ZBTB7A: variants seen among roughly 807,000 people sequenced by gnomAD.
The protein encoded by ZBTB7A is zinc finger and BTB domain containing 7A.
In ZBTB7A, 7 loss-of-function variants were observed where a neutral mutation model predicts 26.7. That is an observed-to-expected ratio of 0.26 (90% confidence interval 0.15 to 0.49). The LOEUF (loss-of-function observed/expected upper bound fraction) is 0.49. ZBTB7A is among the 20% of genes least tolerant of loss of function. ZBTB7A has a pLI of 0.98. For missense variants in ZBTB7A, 617 were observed against 919.5 expected (o/e 0.67, Z 4.25); for synonymous variants, 452 against 441.0 (o/e 1.02, Z -0.31).
chr19:4,049,168 GTATATATA>G lies in ZBTB7A; in HGVS notation c.1263-932_1263-925del, dbSNP rs1181215162. On this transcript the variant is annotated intron_variant, in intron 2 of 2. Transcript: ENST00000322357. ...ACTATATGTGTGTGTGTGTGTGTGT[GTATATATA>G]TATATATATATATATATATATATAT... Among the ~76,000 whole-genome samples the G allele has an allele frequency of 1.1e-3, 16 of 14,940 alleles. 1 individual carries two copies. The highest frequency in any genetic ancestry group is 7.5e-3 in the East Asian group (3 of 400). 9.8% of individuals were successfully genotyped at this position (14,940 alleles called of 152,430 possible).
At chr19:4,059,343 T>TCC (rs1023498911) in intron 1 of ZBTB7A, among the ~76,000 whole-genome samples, 2 of 151,814 alleles carry the variant, frequency 1.3e-5, no homozygotes, top group Non-Finnish European at 2.9e-5. Context: ...CTCCTGCAGG[T>TCC]CCCCGCCAGT....
chr19:4,053,656 ATGTC>A (rs1240852129), intron 2 of ZBTB7A, among the ~76,000 whole-genome samples: 2 of 142,714 alleles, frequency 1.4e-5, no homozygotes, highest in South Asian at 2.2e-4. Context: ...TCTGTGTAGC[ATGTC>A]TGTATGTGTA....
At chr19:4,056,026 C>T (rs940781790) in intron 1 of ZBTB7A, among the ~76,000 whole-genome samples, 6 of 152,122 alleles carry the variant, frequency 3.9e-5, no homozygotes, top group African/African-American at 1.4e-4. Context: ...TATCCTCTAG[C>T]CTCAGTTTCC....
intron 1 of ZBTB7A, among the ~76,000 whole-genome samples, chr19:4,063,849 G>C (rs1488980016): frequency 1.3e-5 from 2 of 152,292 alleles, no homozygotes; most frequent in African/African-American, 2.4e-5. Flanking sequence ...GCCTAGTACC[G>C]GCACCTGCTC....
At chr19:4,057,357 A>C (rs2040591444) in intron 1 of ZBTB7A, among the ~76,000 whole-genome samples, 1 of 152,152 alleles carries the variant, frequency 6.6e-6, no homozygotes, top group Non-Finnish European at 1.5e-5. Context: ...AAAATAAATA[A>C]ATAAGGAAAG....
Position 4,054,609 on chromosome 19 carries a change from G to A in ZBTB7A, c.624C>T (p.Ala208=), listed in dbSNP as rs2040551865. 6.3e-7 allele frequency: 1 copy of A among 1,584,172 alleles called. No homozygotes were observed. Among genetic ancestry groups the A allele is most frequent in the Non-Finnish European group, 8.5e-7 (1 of 1,169,820 alleles). ...TKEAVAAAVA[A]VAAGDCNGLD... is the part of the protein sequence containing the mutation. ...AGCCGTTGCAGTCGCCCGCGGCCAC[G>A]GCGGCCACAGCGGCGGCCACGGCCT... Residue 208 remains alanine, a synonymous_variant, in exon 2 of 3, where the codon GCC becomes GCT. Coordinates refer to ENST00000322357, the MANE Select transcript of ZBTB7A (RefSeq NM_015898.4).
intron 1 of ZBTB7A, among the ~76,000 whole-genome samples, chr19:4,060,034 C>T (rs1036750159): frequency 6.6e-6 from 1 of 152,098 alleles, no homozygotes; most frequent in Non-Finnish European, 1.5e-5. Context: ...CCCCTGGGCT[C>T]GGCCCACACC....
At chr19:4,063,909 C>T (rs187387252) in intron 1 of ZBTB7A, among the ~76,000 whole-genome samples, 1 of 152,344 alleles carries the variant, frequency 6.6e-6, no homozygotes, top group East Asian at 1.9e-4. Context: ...TTGACCTCCC[C>T]TCCCGGCCTT....
chr19:4,053,883 G>A (rs550997396), intron 2 of ZBTB7A, 88 bp downstream of exon 2: 4 of 1,451,214 alleles, frequency 2.8e-6, no homozygotes, highest in Admixed American at 4.2e-5. Flanking sequence ...GTGTGCGTGC[G>A]GTGCAGGGAG....
At chr19:4,053,121 CAGAAG>C (rs1320984870) in intron 2 of ZBTB7A, among the ~76,000 whole-genome samples, 3 of 152,258 alleles carry the variant, frequency 2.0e-5, no homozygotes, top group African/African-American at 7.2e-5. Flanking sequence ...TCCAAAAGTG[CAGAAG>C]AGAAGAACCA....
At position 4,065,418 on chromosome 19, in the gene ZBTB7A, G is replaced by C. The variant is rs902279483; in HGVS notation, c.-16+1264C>G. 2.1e-5 allele frequency: 3 copies of C among 145,660 alleles called. 1 individual carries two copies. 9.0% of individuals were successfully genotyped at this position (145,660 alleles called of 1,614,324 possible). ...GGTCCCCCGCCGCCTCGCCCGCGCG[G>C]GGGGCTCCTACCTCCTTCCCGGGGC... is the stretch of plus-strand genomic sequence containing the variant. On this transcript the variant is annotated intron_variant, in intron 1 of 2. Transcript: ENST00000322357.
In ZBTB7A at chr19:4,046,081, C is replaced by G. The variant is rs1023629169; in HGVS notation, c.*1671G>C. 2.3e-5 allele frequency: 9 copies of G among 399,022 alleles called. No homozygotes were observed. Among genetic ancestry groups the G allele is most frequent in the African/African-American group, 1.4e-4 (7 of 48,678 alleles). The allele number at this position is 399,022 out of a possible 1,614,324, so 24.7% of individuals were successfully genotyped here. ...GGTGCTCCGGCTGGAAGGCCCATCCCTGAGCTAGGGAGGAGGAAGGAGAGA... is the reference window on the plus strand; with the variant it reads ...GGTGCTCCGGCTGGAAGGCCCATCCGTGAGCTAGGGAGGAGGAAGGAGAGA... On this transcript the variant is annotated 3_prime_UTR_variant, in exon 3 of 3. Coordinates refer to ENST00000322357, the MANE Select transcript of ZBTB7A (RefSeq NM_015898.4).
chr19:4,057,279 C>T (rs1453031000), intron 1 of ZBTB7A, among the ~76,000 whole-genome samples: 2 of 149,396 alleles, frequency 1.3e-5, no homozygotes, highest in African/African-American at 2.5e-5. Flanking sequence ...ACCCGGGAGG[C>T]GGGGGTTGCG....
At chr19:4,050,033 T>TCAG (rs1312020664) in intron 2 of ZBTB7A, among the ~76,000 whole-genome samples, 5 of 152,256 alleles carry the variant, frequency 3.3e-5, no homozygotes, top group Non-Finnish European at 5.9e-5. Context: ...AAGCAATTCT[T>TCAG]CTGCCTCAGC....
intron 1 of ZBTB7A, among the ~76,000 whole-genome samples, chr19:4,059,588 G>A (rs368842105): frequency 1.2e-4 from 19 of 152,280 alleles, no homozygotes; most frequent in African/African-American, 1.7e-4. Flanking sequence ...AAGGATGCCC[G>A]GCAGGGCTGA....
intron 1 of ZBTB7A, among the ~76,000 whole-genome samples, chr19:4,058,232 CG>C (rs2040602675): frequency 6.6e-6 from 1 of 152,194 alleles, no homozygotes; most frequent in Non-Finnish European, 1.5e-5. Flanking sequence ...AGCAGGGAGC[CG>C]GGGGAACCCC....
chr19:4,063,570 C>T (rs930595468), intron 1 of ZBTB7A, among the ~76,000 whole-genome samples: 2 of 152,298 alleles, frequency 1.3e-5, no homozygotes, highest in Non-Finnish European at 2.9e-5. Context: ...CATGCTGGCC[C>T]TCTCTGAGCC....
chr19:4,064,342 A>G (rs1295006262), intron 1 of ZBTB7A, among the ~76,000 whole-genome samples: 1 of 151,900 alleles, frequency 6.6e-6, no homozygotes, highest in East Asian at 1.9e-4. Flanking sequence ...CTTCTCCCCC[A>G]AGCTCTGTCT....
chr19:4,047,828 C>A lies in ZBTB7A; in HGVS notation c.1679G>T (p.Gly560Val), dbSNP rs80178467. 1.2e-6 allele frequency: 2 copies of A among 1,605,898 alleles called. No individual in the cohort carries two copies. Among genetic ancestry groups the A allele is most frequent in the African/African-American group, 2.7e-5 (2 of 74,334 alleles). ...PDGLGRLNVA[G>V]AGGGGDSGGG... ...TCCGCTGTCACCTCCTCCACCGGCGCCCGCTACATTCAACCGGCCCAAGCC... is the reference window on the plus strand; with the variant it reads ...TCCGCTGTCACCTCCTCCACCGGCGACCGCTACATTCAACCGGCCCAAGCC... The change falls in exon 3 of 3, where the codon GGC (glycine) becomes GTC (valine). Residue 560 changes from glycine to valine, a missense_variant. Physicochemically the swap from Gly to Val is moderately radical, Grantham distance 109 (BLOSUM62 -3). This residue lies in a region of ZBTB7A where 136 missense variants were observed against 126.6 expected (regional missense o/e 1.07). Transcript: ENST00000322357.
Sources: allele counts gnomAD v4.1 joint callset (sites outside exome capture counted in the v4.1 genomes callset), GRCh38; gene constraint gnomAD v4.1.1; regional missense constraint gnomAD v4.1.1; transcripts MANE v1.5; gene names NCBI Gene and HGNC (gene_info 2026-07-23, HGNC 2026-07-21).